PHF1: variants seen among roughly 807,000 people sequenced by gnomAD.
The protein encoded by PHF1 is PHD finger protein 1, also known as polycomb-like 1.
PHF1 carries 16 observed loss-of-function variants against 69.4 expected under a neutral mutation model. The observed-to-expected ratio is 0.23, with a 90% confidence interval of 0.16 to 0.35. The LOEUF (loss-of-function observed/expected upper bound fraction) is 0.35. PHF1 is among the 10% of genes least tolerant of loss of function. The probability of loss-of-function intolerance (pLI) is 1.00; values close to 1 mark genes in which losing one functional copy is unlikely to be tolerated. For synonymous variants in PHF1, 274 were observed against 275.0 expected, an observed-to-expected ratio of 1.00 and a Z score of 0.04; for missense variants, 515 against 732.8, an observed-to-expected ratio of 0.70 and a Z score of 3.43.
chr6:33,415,795 G>C lies in PHF1; in HGVS notation c.1416-15G>C. On this transcript the variant is annotated splice_polypyrimidine_tract_variant and intron_variant, in intron 14 of 14. Coordinates refer to ENST00000374516, the MANE Select transcript of PHF1 (RefSeq NM_024165.3). ...CCATTTCTGCCCATTTCTTACAATT[G>C]CCTTCTCTCCCTAGGTCACCCCTGG... The C allele has an allele frequency of 6.3e-7, 1 of 1,594,914 alleles. No individual in the cohort carries two copies. The highest frequency in any genetic ancestry group is 8.6e-7 in the Non-Finnish European group (1 of 1,166,384).
chr6:33,415,128 T>C lies in PHF1; in HGVS notation c.1223T>C (p.Leu408Pro). The C allele has an allele frequency of 6.2e-7, 1 of 1,613,694 alleles. No homozygotes were observed. Among genetic ancestry groups the C allele is most frequent in the Non-Finnish European group, 8.5e-7 (1 of 1,179,730 alleles). The change falls in exon 12 of 15, where the codon CTG (leucine) becomes CCG (proline). Residue 408 changes from leucine (L) to proline (P), a missense_variant. Leu to Pro is a moderately conservative substitution (Grantham distance 98). This residue lies in a region of PHF1 where 274 missense variants were observed against 304.5 expected (regional missense o/e 0.90). Coordinates refer to ENST00000374516, the MANE Select transcript of PHF1 (RefSeq NM_024165.3). ...CAGGAGCAGAGGGAGCGGGCTCATC[T>C]GCAGAGGGCACTGCAGGTACTGGAG... ...EPQEQRERAH[L>P]QRALQASVSP...
chr6:33,413,671 T>G, intron 6 of PHF1, 65 bp from the exon 7 acceptor site: 2 of 1,599,898 alleles, frequency 1.3e-6, no homozygotes, highest in Middle Eastern at 3.3e-4. Context: ...GAGGTAAGTT[T>G]AGGGTTTGGG....
chr6:33,411,181 C>T lies in PHF1; in HGVS notation c.-51C>T, dbSNP rs555608864. 41 of 152,198 alleles carry T rather than the reference C, an allele frequency of 2.7e-4. No individual in the cohort carries two copies. The highest frequency in any genetic ancestry group is 7.9e-4 in the African/African-American group (33 of 41,524). The allele number at this position is 152,198 out of a possible 1,614,324, so 9.4% of individuals were successfully genotyped here. Reference sequence around the variant, plus strand: ...ACTCGCCTAGGTCTCCTACGTCTGCCCCTGCCCGGCTCCCGGCGGCCCCAG... The same window carrying T: ...ACTCGCCTAGGTCTCCTACGTCTGCTCCTGCCCGGCTCCCGGCGGCCCCAG... On this transcript the variant is annotated 5_prime_UTR_variant, in exon 1 of 15. Transcript: ENST00000374516.
rs1776289921 is a variant in PHF1 at position 33,414,472 on chromosome 6, C to T, written c.877-5C>T. On this transcript the variant is annotated splice_region_variant and splice_polypyrimidine_tract_variant and intron_variant, in intron 9 of 14. Coordinates refer to ENST00000374516, the MANE Select transcript of PHF1 (RefSeq NM_024165.3). This position sits in a 1 kb window ranked among gnomAD's most constrained non-coding sequence, Gnocchi z 5.0. ...CCTGGCCCCATTTTTCTTCATTTCT[C>T]CCAGCTTTCAGACACCCCCAAAGGA... 3 of 1,613,858 alleles carry T rather than the reference C, an allele frequency of 1.9e-6. No individual in the cohort carries two copies. The highest frequency in any genetic ancestry group is 1.1e-5 in the South Asian group (1 of 91,084).
Position 33,414,654 on chromosome 6 carries a change from A to T in PHF1, c.945-71A>T. 5 of 1,541,238 alleles carry T rather than the reference A, an allele frequency of 3.2e-6. No individual in the cohort carries two copies. The highest frequency in any genetic ancestry group is 4.5e-6 in the Non-Finnish European group (5 of 1,115,332). ...ACCTGGAAGACTGTGACTGAAAAGGATTGAGGAATGGCGTAAGGAGGAACC... is the reference window on the plus strand; with the variant it reads ...ACCTGGAAGACTGTGACTGAAAAGGTTTGAGGAATGGCGTAAGGAGGAACC... On this transcript the variant is annotated intron_variant, in intron 10 of 14. Coordinates refer to ENST00000374516, the MANE Select transcript of PHF1 (RefSeq NM_024165.3). This position sits in a 1 kb window ranked among gnomAD's most constrained non-coding sequence, Gnocchi z 5.0.
At chr6:33,410,702 T>G (rs1284685408), upstream of PHF1, 1 of 32,172 alleles carries the variant, frequency 3.1e-5, no homozygotes, top group Non-Finnish European at 5.8e-5. Context: ...CTAACGGATG[T>G]GGCATGGGGC....
At position 33,416,406 on chromosome 6, in the gene PHF1, C is replaced by G; in HGVS notation, c.*308C>G. On this transcript the variant is annotated 3_prime_UTR_variant, in exon 15 of 15. Coordinates refer to ENST00000374516, the MANE Select transcript of PHF1 (RefSeq NM_024165.3). ...AGGGAGGATGATAAGGGATCCCGGA[C>G]TCTGTATGATTGAAATAAAGAGAAA... 1.9e-6 allele frequency: 1 copy of G among 527,222 alleles called. No homozygotes were observed. The allele number at this position is 527,222 out of a possible 1,614,324, so 32.7% of individuals were successfully genotyped here. A position where few individuals can be genotyped will look rare whatever the true frequency, so the allele number is the denominator to read the frequency against.
Position 33,415,096 on chromosome 6 carries a change from C to T in PHF1, c.1191C>T (p.Pro397=), listed in dbSNP as rs140266539. The T allele has an allele frequency of 2.5e-6, 4 of 1,613,184 alleles. No individual in the cohort carries two copies. Among genetic ancestry groups the T allele is most frequent in the Admixed American group, 3.3e-5 (2 of 59,936 alleles). The change falls in exon 12 of 15, where the codon CCC becomes CCT. Residue 397 remains proline, a synonymous_variant. Coordinates refer to ENST00000374516, the MANE Select transcript of PHF1 (RefSeq NM_024165.3). ...CACCCTCAGCAGTGCGCAATCAGCC[C>T]GAGCCCCAGGAGCAGAGGGAGCGGG... is the stretch of plus-strand genomic sequence containing the variant. The part of the protein sequence containing the change: ...LGPPSAVRNQ[P]EPQEQRERAH...
At chr6:33,411,980 G>A (rs544108878) in intron 1 of PHF1, among the ~76,000 whole-genome samples, 1 of 152,240 alleles carries the variant, frequency 6.6e-6, no homozygotes, top group Admixed American at 6.5e-5. Context: ...GGCCAACATG[G>A]CCAACACCTC....
Position 33,412,164 on chromosome 6 carries a change from GAAAAAAAAA to G in PHF1, c.-16-76_-16-68del, listed in dbSNP as rs576149310. The G allele has an allele frequency of 1.5e-6, 1 of 685,826 alleles. No individual in the cohort carries two copies. The highest frequency in any genetic ancestry group is 3.9e-5 in the Admixed American group (1 of 25,522). 42.5% of individuals were successfully genotyped at this position (685,826 alleles called of 1,614,324 possible). ...GCGACAGAGCAAAACTCCATCTCAG[GAAAAAAAAA>G]AAAAAAAGAAAAAGAAAATGGGGAA... On this transcript the variant is annotated intron_variant, in intron 1 of 14. Coordinates refer to ENST00000374516, the MANE Select transcript of PHF1 (RefSeq NM_024165.3). This position sits in a 1 kb window ranked among gnomAD's most constrained non-coding sequence, Gnocchi z 4.2.
Position 33,412,278 on chromosome 6 carries a change from C to A in PHF1, c.15C>A (p.Pro5=). The A allele has an allele frequency of 2.5e-6, 4 of 1,613,730 alleles. No individual in the cohort carries two copies. The South Asian group carries it at 3.3e-5, about 13-fold the overall frequency. The part of the protein sequence containing the change: MAQP[P]RLSRSGASSL... Reference sequence around the variant, plus strand: ...CCCAGGATGCAATGGCGCAGCCCCCCCGGCTGAGCCGCTCTGGTGCCTCCT... The same window carrying A: ...CCCAGGATGCAATGGCGCAGCCCCCACGGCTGAGCCGCTCTGGTGCCTCCT... The change falls in exon 2 of 15, where the codon CCC becomes CCA. Residue 5 remains proline, a synonymous_variant. Transcript: ENST00000374516. This position sits in a 1 kb window ranked among gnomAD's most constrained non-coding sequence, Gnocchi z 4.2.
At position 33,413,547 on chromosome 6, in the gene PHF1, G is replaced by A; in HGVS notation, c.577G>A (p.Gly193Ser). 1 of 1,614,180 alleles carries A rather than the reference G, an allele frequency of 6.2e-7. No individual in the cohort carries two copies. Residue 193 changes from glycine (G) to serine (S), a missense_variant, in exon 6 of 15, where the codon GGC becomes AGC. This residue lies in a region of PHF1 where 142 missense variants were observed against 309.7 expected (regional missense o/e 0.46). Coordinates refer to ENST00000374516, the MANE Select transcript of PHF1 (RefSeq NM_024165.3). Reference protein sequence around the residue: ...NRQQSYCYCGGPGEWNLKMLQ... With the variant: ...NRQQSYCYCGSPGEWNLKMLQ... ...ACAGCAGAGTTACTGTTACTGTGGT[G>A]GCCCTGGGGAGTGAGTAATGAGAGG...
At chr6:33,415,694 A>G (rs1776417600) in intron 14 of PHF1, 24 bp downstream of exon 14, 1 of 1,611,980 alleles carries the variant, frequency 6.2e-7, no homozygotes, top group Non-Finnish European at 8.5e-7. Context: ...TTCTATTACC[A>G]GTGATGCTCT....
In PHF1 at chr6:33,414,179, C is replaced by G; in HGVS notation, c.753-64C>G. The G allele has an allele frequency of 6.2e-7, 1 of 1,613,856 alleles. No individual in the cohort carries two copies. The highest frequency in any genetic ancestry group is 8.5e-7 in the Non-Finnish European group (1 of 1,179,766). ...TATTTCACTCTATATGCCCCAACCT[C>G]CCACCTCAGGACTCCCCTGGCTCTT... On this transcript the variant is annotated intron_variant, in intron 8 of 14. Transcript: ENST00000374516. The surrounding 1 kb of genome is among the most constrained non-coding windows in gnomAD (Gnocchi z 5.0).
Position 33,414,166 on chromosome 6 carries a change from T to C in PHF1, c.752+57T>C. On this transcript the variant is annotated intron_variant, in intron 8 of 14. Coordinates refer to ENST00000374516, the MANE Select transcript of PHF1 (RefSeq NM_024165.3). This position sits in a 1 kb window ranked among gnomAD's most constrained non-coding sequence, Gnocchi z 5.0. Reference sequence around the variant, plus strand: ...CTCCACACCACAGTATTTCACTCTATATGCCCCAACCTCCCACCTCAGGAC... The same window carrying C: ...CTCCACACCACAGTATTTCACTCTACATGCCCCAACCTCCCACCTCAGGAC... 1 of 1,613,790 alleles carries C rather than the reference T, an allele frequency of 6.2e-7. No individual in the cohort carries two copies. Among genetic ancestry groups the C allele is most frequent in the Non-Finnish European group, 8.5e-7 (1 of 1,179,704 alleles).
chr6:33,415,627 G>T lies in PHF1; in HGVS notation c.1372G>T (p.Ala458Ser). ...IRMFASFHPSASTAGTSGDSG... is the reference protein window; with the variant it reads ...IRMFASFHPSSSTAGTSGDSG... ...GATGTTTGCTTCCTTCCACCCTTCTGCCAGCACCGCAGGGACCTCTGGGGA... is the reference window on the plus strand; with the variant it reads ...GATGTTTGCTTCCTTCCACCCTTCTTCCAGCACCGCAGGGACCTCTGGGGA... The change falls in exon 14 of 15, where the codon GCC becomes TCC. Residue 458 changes from alanine (A) to serine (S), a missense_variant. Around this residue, in one of 5 missense-constraint regions of PHF1, gnomAD observed 274 missense variants for 304.5 expected, o/e 0.90. Transcript: ENST00000374516. The T allele has an allele frequency of 6.2e-7, 1 of 1,613,972 alleles. No individual in the cohort carries two copies. The highest frequency in any genetic ancestry group is 8.5e-7 in the Non-Finnish European group (1 of 1,179,960).
At position 33,412,192 on chromosome 6, in the gene PHF1, TG is replaced by T; in HGVS notation, c.-16-52del. The T allele has an allele frequency of 8.5e-7, 1 of 1,180,376 alleles. No individual in the cohort carries two copies. The highest frequency in any genetic ancestry group is 1.4e-5 in the South Asian group (1 of 70,858). The allele number at this position is 1,180,376 out of a possible 1,614,324, so 73.1% of individuals were successfully genotyped here. ...AAAAAAAAAAAAAAGAAAAAGAAAA[TG>T]GGGAAGGTTTCTCAGCATTCATAAC... On this transcript the variant is annotated intron_variant, in intron 1 of 14. Coordinates refer to ENST00000374516, the MANE Select transcript of PHF1 (RefSeq NM_024165.3). The surrounding 1 kb of genome is among the most constrained non-coding windows in gnomAD (Gnocchi z 4.2).
At chr6:33,413,944 T>C in intron 7 of PHF1, 97 bp from the exon 8 acceptor site, 1 of 1,548,208 alleles carries the variant, frequency 6.5e-7, no homozygotes. Flanking sequence ...TCTGCAGCGT[T>C]ACCTCACCTG....
chr6:33,416,205 T>C lies in PHF1; in HGVS notation c.*107T>C. ...TGTACCTGGAGAGATAGGGGGTAGT[T>C]CTCCCTACTGCCCAGGCTGGAATCC... On this transcript the variant is annotated 3_prime_UTR_variant, in exon 15 of 15. Transcript: ENST00000374516. The C allele has an allele frequency of 3.2e-6, 3 of 947,346 alleles. No individual in the cohort carries two copies. Among genetic ancestry groups the C allele is most frequent in the Non-Finnish European group, 4.5e-6 (3 of 664,384 alleles). 58.7% of individuals were successfully genotyped at this position (947,346 alleles called of 1,614,324 possible). A position where few individuals can be genotyped will look rare whatever the true frequency, so the allele number is the denominator to read the frequency against.
Sources: allele counts gnomAD v4.1 joint callset (sites outside exome capture counted in the v4.1 genomes callset), GRCh38; gene constraint gnomAD v4.1.1; regional missense constraint gnomAD v4.1.1; non-coding constraint Gnocchi (gnomAD v3.1); transcripts MANE v1.5; gene names NCBI Gene and HGNC (gene_info 2026-07-23, HGNC 2026-07-21).